PRKCI: variants seen among roughly 807,000 people sequenced by gnomAD.
PRKCI encodes protein kinase C iota type.
PRKCI carries 43 observed loss-of-function variants against 84.0 expected under a neutral mutation model. That is an observed-to-expected ratio of 0.51 (90% confidence interval 0.40 to 0.66). The LOEUF (loss-of-function observed/expected upper bound fraction) is 0.66, where lower values mean the gene tolerates loss of function less well. Ranked by LOEUF, PRKCI falls within the 30% of genes least tolerant of loss-of-function variation. PRKCI has a pLI of 0.00. For missense variants in PRKCI, 459 were observed against 745.6 expected, an observed-to-expected ratio of 0.62 and a Z score of 4.48; for synonymous variants, 216 against 234.4, an observed-to-expected ratio of 0.92 and a Z score of 0.72.
chr3:170,290,093 C>T (rs536476305), intron 12 of PRKCI, among the ~76,000 whole-genome samples: 72 of 151,472 alleles, frequency 4.8e-4, no homozygotes, highest in Non-Finnish European at 8.3e-4. Context: ...AAAAGGAAGG[C>T]TTGAGTTTTG....
At chr3:170,293,040 C>CAAAAAAA (rs1202831307) in intron 13 of PRKCI, among the ~76,000 whole-genome samples, 1 of 66,190 alleles carries the variant, frequency 1.5e-5, no homozygotes, top group African/African-American at 5.6e-5. Context: ...GACCCCATCT[C>CAAAAAAA]AAAAAAAAAA....
chr3:170,240,175 T>C (rs921031205), intron 2 of PRKCI, among the ~76,000 whole-genome samples: 2 of 152,028 alleles, frequency 1.3e-5, no homozygotes, highest in African/African-American at 2.4e-5. Flanking sequence ...AAAAAAGATA[T>C]ATGTGTATAT....
chr3:170,292,768 G>A (rs1439395253), intron 13 of PRKCI, among the ~76,000 whole-genome samples: 6 of 149,858 alleles, frequency 4.0e-5, no homozygotes, highest in South Asian at 4.2e-4. Context: ...ATAGCCGGGC[G>A]CGGTGGCTCA....
At chr3:170,245,970 T>TTTTTTTC (rs1371135228) in intron 2 of PRKCI, among the ~76,000 whole-genome samples, 41 of 79,286 alleles carry the variant, frequency 5.2e-4, no homozygotes, top group South Asian at 2.1e-3. Flanking sequence ...TTTTTTTTTT[T>TTTTTTTC]CTGACACAAA....
At chr3:170,242,220 G>A (rs1217068883) in intron 2 of PRKCI, among the ~76,000 whole-genome samples, 1 of 152,168 alleles carries the variant, frequency 6.6e-6, no homozygotes, top group Non-Finnish European at 1.5e-5. Flanking sequence ...GGCTGAATGT[G>A]TAGCCAATGC....
chr3:170,238,594 C>CTTTTTTTTTT (rs1231292323), intron 2 of PRKCI, among the ~76,000 whole-genome samples: 2 of 125,122 alleles, frequency 1.6e-5, no homozygotes, highest in Non-Finnish European at 1.7e-5. Context: ...CATTTCTTTT[C>CTTTTTTTTTT]TTTTTTTTTT....
At chr3:170,254,663 CT>C (rs1270523046) in intron 2 of PRKCI, among the ~76,000 whole-genome samples, 4 of 152,098 alleles carry the variant, frequency 2.6e-5, no homozygotes, top group Non-Finnish European at 5.9e-5. Context: ...TGGGTTCTCT[CT>C]TCTGTTCCAT....
At chr3:170,258,327 A>C (rs1354084440) in intron 2 of PRKCI, among the ~76,000 whole-genome samples, 1 of 150,174 alleles carries the variant, frequency 6.7e-6, no homozygotes, top group Non-Finnish European at 1.5e-5. Flanking sequence ...TTTTTTTTTG[A>C]GACAGTCTTG....
At chr3:170,263,273 T>C in intron 3 of PRKCI, 106 bp from the exon 4 acceptor site, 1 of 833,522 alleles carries the variant, frequency 1.2e-6, no homozygotes, top group Non-Finnish European at 2.0e-6. Context: ...GAAGAGAGGG[T>C]CAGGTTGAAA....
chr3:170,287,335 A>G (rs925008307), intron 12 of PRKCI, among the ~76,000 whole-genome samples: 2 of 151,128 alleles, frequency 1.3e-5, no homozygotes, highest in Non-Finnish European at 3.0e-5. Context: ...ATATATATAT[A>G]TATAGAGAGA....
chr3:170,237,842 T>C (rs1733017734), intron 2 of PRKCI, among the ~76,000 whole-genome samples: 1 of 152,234 alleles, frequency 6.6e-6, no homozygotes, highest in African/African-American at 2.4e-5. Context: ...TTTTTCCTTT[T>C]TTCTCTCTCC....
intron 2 of PRKCI, among the ~76,000 whole-genome samples, chr3:170,236,107 A>ATTT (rs11407334): frequency 0.019 from 2,722 of 145,932 alleles, 40 homozygotes; most frequent in East Asian, 0.083. Flanking sequence ...TTTAATTTAA[A>ATTT]TTTTTTTTTT....
chr3:170,225,805 G>A (rs1366411718), intron 1 of PRKCI, among the ~76,000 whole-genome samples: 1 of 151,904 alleles, frequency 6.6e-6, no homozygotes, highest in Non-Finnish European at 1.5e-5. Flanking sequence ...TCTTTTCAAA[G>A]ATGTGTATAG....
At position 170,303,138 on chromosome 3, in the gene PRKCI, T is replaced by G; in HGVS notation, c.*11T>G. ...GAAGAATGTGTCTGATCCTCATTTTTCAACCATGTATTCTACTCATGTTGC... is the reference window on the plus strand; with the variant it reads ...GAAGAATGTGTCTGATCCTCATTTTGCAACCATGTATTCTACTCATGTTGC... On this transcript the variant is annotated 3_prime_UTR_variant, in exon 18 of 18. Transcript: ENST00000295797. 1 of 1,581,192 alleles carries G rather than the reference T, an allele frequency of 6.3e-7. No individual in the cohort carries two copies. Among genetic ancestry groups the G allele is most frequent in the East Asian group, 2.3e-5 (1 of 44,050 alleles).
chr3:170,257,768 G>A (rs1046091830), intron 2 of PRKCI, among the ~76,000 whole-genome samples: 1 of 151,472 alleles, frequency 6.6e-6, no homozygotes, highest in East Asian at 1.9e-4. Flanking sequence ...AGGTTCAAGC[G>A]ATTCGCCTGC....
intron 1 of PRKCI, among the ~76,000 whole-genome samples, chr3:170,229,460 C>T (rs557973734): frequency 3.3e-5 from 5 of 152,266 alleles, no homozygotes; most frequent in South Asian, 2.1e-4. Flanking sequence ...GATTAGCTCA[C>T]GCCACTAGGC....
intron 2 of PRKCI, among the ~76,000 whole-genome samples, chr3:170,236,728 G>C (rs1387892099): frequency 1.3e-5 from 2 of 152,006 alleles, no homozygotes; most frequent in African/African-American, 4.8e-5. Context: ...TCTGGTGGTA[G>C]CGTGCACCTG....
chr3:170,254,598 T>C (rs1316765943), intron 2 of PRKCI, among the ~76,000 whole-genome samples: 1 of 151,836 alleles, frequency 6.6e-6, no homozygotes, highest in Non-Finnish European at 1.5e-5. Flanking sequence ...CCCAGTGTTA[T>C]GTTCTTGGCA....
At chr3:170,276,451 T>C (rs1204324682) in intron 8 of PRKCI, among the ~76,000 whole-genome samples, 4 of 149,570 alleles carry the variant, frequency 2.7e-5, no homozygotes, top group Admixed American at 6.6e-5. Flanking sequence ...TTTTTCTTTT[T>C]AACTTTTTTT....
Sources: allele counts gnomAD v4.1 joint callset (sites outside exome capture counted in the v4.1 genomes callset), GRCh38; gene constraint gnomAD v4.1.1; transcripts MANE v1.5; gene names NCBI Gene and HGNC (gene_info 2026-07-23, HGNC 2026-07-21).